PARD3B: variants seen among roughly 807,000 people sequenced by gnomAD.
The protein encoded by PARD3B is partitioning defective 3 homolog B.
PARD3B carries 103 observed loss-of-function variants against 130.2 expected under a neutral mutation model. That is an observed-to-expected ratio of 0.79 (90% CI 0.67 to 0.93). The LOEUF (loss-of-function observed/expected upper bound fraction) is 0.93, where lower values mean the gene tolerates loss of function less well. PARD3B is among the 40% of genes least tolerant of loss of function. The pLI is 0.00. For missense variants in PARD3B, 1,609 were observed against 1,499.2 expected (o/e 1.07, Z -1.21); for synonymous variants, 583 against 553.2 (o/e 1.05, Z -0.76).
At chr2:205,393,273 A>G (rs990235790) in intron 18 of PARD3B, among the ~76,000 whole-genome samples, 8 of 152,170 alleles carry the variant, frequency 5.3e-5, no homozygotes, top group South Asian at 2.1e-4. Flanking sequence ...CTCTGCCCCT[A>G]TATTTTGCTT....
At chr2:205,578,927 C>A (rs6747305) in intron 22 of PARD3B, among the ~76,000 whole-genome samples, 47,483 of 152,080 alleles carry the variant, frequency 0.31, 7,695 homozygotes, top group Middle Eastern at 0.4. Context: ...GCATTCTCTG[C>A]AGTACCTAGC....
Position 204,773,585 on chromosome 2 carries a change from C to T in PARD3B, c.222+87303C>T, listed in dbSNP as rs761617954. On this transcript the variant is annotated intron_variant, in intron 2 of 22. Coordinates refer to ENST00000406610, the MANE Select transcript of PARD3B (RefSeq NM_001302769.2). Reference sequence around the variant, plus strand: ...TTTCTGTAACGTACATTTAATTTTTCTATTATTTATCCTAAATCCTATCTG... The same window carrying T: ...TTTCTGTAACGTACATTTAATTTTTTTATTATTTATCCTAAATCCTATCTG... 1.5e-3 allele frequency among the ~76,000 whole-genome samples: 230 copies of T among 152,134 alleles called. 3 individuals carry two copies. Among genetic ancestry groups the T allele is most frequent in the Middle Eastern group, 3.4e-3 (1 of 294 alleles).
intron 18 of PARD3B, among the ~76,000 whole-genome samples, chr2:205,318,998 C>T (rs1162164116): frequency 6.6e-6 from 1 of 152,180 alleles, no homozygotes; most frequent in Admixed American, 6.5e-5. Flanking sequence ...CTCAGTACCT[C>T]CGCCTTTGCC....
At chr2:204,904,129 A>C (rs2046963932) in intron 2 of PARD3B, among the ~76,000 whole-genome samples, 1 of 152,160 alleles carries the variant, frequency 6.6e-6, no homozygotes. Context: ...ATAGTTCTTT[A>C]AGTTCAATTC....
intron 3 of PARD3B, among the ~76,000 whole-genome samples, chr2:204,970,424 ACTCCCTGATGTGTCACCACCATAT>A (rs1168080678): frequency 6.6e-6 from 1 of 151,998 alleles, no homozygotes; most frequent in Admixed American, 6.6e-5. Context: ...TATCCAGGTC[ACTCCCTGATGTGTCACCACCATAT>A]CTCCCTGGGC....
intron 1 of PARD3B, among the ~76,000 whole-genome samples, chr2:204,645,769 A>C (rs1037590571): frequency 6.6e-6 from 1 of 152,166 alleles, no homozygotes; most frequent in African/African-American, 2.4e-5. Flanking sequence ...GCATCTCACT[A>C]AACTTTTAAA....
At chr2:204,998,382 G>A (rs1366372085) in intron 3 of PARD3B, among the ~76,000 whole-genome samples, 31 of 93,962 alleles carry the variant, frequency 3.3e-4, no homozygotes, top group East Asian at 2.0e-3. Context: ...GTGTATATAT[G>A]TGTGTGTATA....
intron 11 of PARD3B, among the ~76,000 whole-genome samples, chr2:205,159,712 T>G (rs2034398810): frequency 6.6e-6 from 1 of 152,222 alleles, no homozygotes; most frequent in African/African-American, 2.4e-5. Context: ...CTTGCCACCC[T>G]CATTATTATC....
chr2:204,750,408 A>C (rs1339326240), intron 2 of PARD3B, among the ~76,000 whole-genome samples: 2 of 152,000 alleles, frequency 1.3e-5, no homozygotes, highest in African/African-American at 4.8e-5. Flanking sequence ...ACACGACAAA[A>C]CCCCATCTAT....
chr2:205,524,122 G>A (rs1159307960), intron 21 of PARD3B, among the ~76,000 whole-genome samples: 3 of 151,836 alleles, frequency 2.0e-5, no homozygotes, highest in African/African-American at 2.4e-5. Flanking sequence ...TGGATCTTAG[G>A]GGCTTCTTTA....
At chr2:205,239,619 T>G (rs534702533) in intron 15 of PARD3B, among the ~76,000 whole-genome samples, 1 of 152,344 alleles carries the variant, frequency 6.6e-6, no homozygotes, top group African/African-American at 2.4e-5. Flanking sequence ...AACTTTCAAT[T>G]TAAGACTTTC....
intron 2 of PARD3B, among the ~76,000 whole-genome samples, chr2:204,788,742 T>G (rs190714354): frequency 0.012 from 1,778 of 152,228 alleles, 25 homozygotes; most frequent in African/African-American, 0.04. Flanking sequence ...GATTGCAAAT[T>G]AGGAAGGAAA....
intron 21 of PARD3B, among the ~76,000 whole-genome samples, chr2:205,506,083 C>G (rs963490565): frequency 1.3e-5 from 2 of 152,026 alleles, no homozygotes; most frequent in Non-Finnish European, 2.9e-5. Context: ...GCCTGTAACC[C>G]CAGCACTTTG....
At chr2:205,211,368 T>C (rs1373908973) in intron 15 of PARD3B, among the ~76,000 whole-genome samples, 1 of 152,054 alleles carries the variant, frequency 6.6e-6, no homozygotes, top group Non-Finnish European at 1.5e-5. Flanking sequence ...ATTCCCTCCT[T>C]CCTTCATTCA....
chr2:205,187,125 A>T lies in PARD3B; in HGVS notation c.2024+1262A>T, dbSNP rs540835192. 9.2e-5 allele frequency among the ~76,000 whole-genome samples: 14 copies of T among 152,294 alleles called. No homozygotes were observed. In the South Asian group the frequency reaches 2.7e-3, roughly 29 times the overall value. On this transcript the variant is annotated intron_variant, in intron 14 of 22. Coordinates refer to ENST00000406610, the MANE Select transcript of PARD3B (RefSeq NM_001302769.2). The surrounding 1 kb of genome is among the most constrained non-coding windows in gnomAD (Gnocchi z 4.9). ...GCTCTGAGCATCTGAGGCAGAGGAG[A>T]ATGCCTCCAGATAAAGGAATCAGGG...
chr2:205,202,607 T>A (rs1345923580), intron 15 of PARD3B, among the ~76,000 whole-genome samples: 1 of 152,210 alleles, frequency 6.6e-6, no homozygotes, highest in Non-Finnish European at 1.5e-5. Flanking sequence ...TAAACTTAGC[T>A]GCACTCTTTT....
chr2:205,073,594 C>T (rs1157566322), intron 4 of PARD3B, among the ~76,000 whole-genome samples: 3 of 152,132 alleles, frequency 2.0e-5, no homozygotes, highest in African/African-American at 7.2e-5. Context: ...ATTAGTTTAT[C>T]TTCCCCAGAC....
intron 10 of PARD3B, among the ~76,000 whole-genome samples, chr2:205,154,895 G>C (rs1319941663): frequency 2.0e-5 from 3 of 152,070 alleles, no homozygotes; most frequent in African/African-American, 7.2e-5. Context: ...GGCCTGTTGT[G>C]GGGTGGGGGC....
chr2:205,431,191 C>T (rs1412887680), intron 19 of PARD3B, among the ~76,000 whole-genome samples: 1 of 152,222 alleles, frequency 6.6e-6, no homozygotes, highest in Non-Finnish European at 1.5e-5. Flanking sequence ...ATTCTCGTGC[C>T]TCAGCCTCCC....
Sources: allele counts gnomAD v4.1 joint callset (sites outside exome capture counted in the v4.1 genomes callset), GRCh38; gene constraint gnomAD v4.1.1; non-coding constraint Gnocchi (gnomAD v3.1); transcripts MANE v1.5; gene names NCBI Gene and HGNC (gene_info 2026-07-23, HGNC 2026-07-21).